The following CELF5 variants were observed in gnomAD, a reference collection of about 807,000 sequenced individuals.
CELF5 encodes CUG-BP and ETR-3 like factor 5.
CELF5 carries 6 observed loss-of-function variants against 54.9 expected under a neutral mutation model. The observed-to-expected ratio is 0.11, with a 90% CI of 0.06 to 0.22. The LOEUF is 0.22. Ranked by LOEUF, CELF5 falls within the 10% of genes least tolerant of loss-of-function variation. The pLI is 1.00. For synonymous variants in CELF5, 271 were observed against 290.9 expected (o/e 0.93, Z 0.70); for missense variants, 401 against 678.6 (o/e 0.59, Z 4.54).
At chr19:3,279,048 T>A (rs1237792705) in intron 5 of CELF5, among the ~76,000 whole-genome samples, 1 of 152,058 alleles carries the variant, frequency 6.6e-6, no homozygotes, top group South Asian at 2.1e-4. Flanking sequence ...AATATCCCTT[T>A]GGGGCTAATG....
chr19:3,258,417 C>T (rs1387628997), intron 2 of CELF5, among the ~76,000 whole-genome samples: 5 of 150,744 alleles, frequency 3.3e-5, no homozygotes, highest in Admixed American at 6.6e-5. Context: ...CCACTGCGCC[C>T]GGCCTGTGTC....
intron 1 of CELF5, among the ~76,000 whole-genome samples, chr19:3,242,692 G>A (rs1350723799): frequency 6.6e-6 from 1 of 152,064 alleles, no homozygotes; most frequent in Non-Finnish European, 1.5e-5. Flanking sequence ...TGTAATCCCA[G>A]CTACTTGGGA....
chr19:3,242,033 G>A lies in CELF5; in HGVS notation c.260-8952G>A, dbSNP rs188254296. Among the ~76,000 whole-genome samples the A allele has an allele frequency of 4.1e-3, 622 of 152,140 alleles. 4 individuals are homozygous for A. The highest frequency in any genetic ancestry group is 0.014 in the African/African-American group (574 of 41,516). The stretch of plus-strand genomic sequence containing the variant: ...CAGGTTATCCACCTGCCTTGGCCTC[G>A]CAAAATGCTAGGATTACAGGCATGA... On this transcript the variant is annotated intron_variant, in intron 1 of 12. Coordinates refer to ENST00000292672, the MANE Select transcript of CELF5 (RefSeq NM_021938.4).
intron 11 of CELF5, 107 bp from the exon 12 acceptor site, chr19:3,293,212 G>T: frequency 6.8e-7 from 1 of 1,464,374 alleles, no homozygotes; most frequent in South Asian, 1.3e-5. Context: ...AGGTGTGCAC[G>T]CAGGCCTGCT....
chr19:3,241,615 G>A (rs1018013643), intron 1 of CELF5, among the ~76,000 whole-genome samples: 1 of 151,972 alleles, frequency 6.6e-6, no homozygotes, highest in Non-Finnish European at 1.5e-5. Flanking sequence ...CTCACCTGGC[G>A]TGGGTGGGGG....
intron 2 of CELF5, among the ~76,000 whole-genome samples, chr19:3,271,947 C>T (rs1047144220): frequency 1.3e-5 from 2 of 152,108 alleles, no homozygotes; most frequent in African/African-American, 4.8e-5. Context: ...TCTTCACTCA[C>T]CATGGCCTTA....
At chr19:3,245,285 G>A (rs1362859381) in intron 1 of CELF5, among the ~76,000 whole-genome samples, 3 of 146,160 alleles carry the variant, frequency 2.1e-5, no homozygotes, top group African/African-American at 5.1e-5. Context: ...GTGTGTGTGC[G>A]TGTGTGTTTG....
At chr19:3,289,401 G>A (rs11666337) in intron 10 of CELF5, among the ~76,000 whole-genome samples, 82,713 of 151,636 alleles carry the variant, frequency 0.55, 23,808 homozygotes, top group Middle Eastern at 0.69. Context: ...AATTAGCCAG[G>A]CTGGGTGCAA....
intron 2 of CELF5, among the ~76,000 whole-genome samples, chr19:3,255,459 C>T (rs1045428085): frequency 1.3e-5 from 2 of 152,072 alleles, no homozygotes; most frequent in Admixed American, 6.6e-5. Flanking sequence ...GCTAGGATTA[C>T]AGGCGTAAGC....
intron 2 of CELF5, among the ~76,000 whole-genome samples, chr19:3,257,779 A>AT (rs34573776): frequency 2.4e-5 from 3 of 123,782 alleles, no homozygotes; most frequent in Non-Finnish European, 5.1e-5. Context: ...CCCAGCCTCC[A>AT]TTTTTTTTTA....
rs1216073662 is a variant in CELF5, at chr19:3,248,896, TCC to T, written c.260-2088_260-2087del. 6.0e-4 allele frequency among the ~76,000 whole-genome samples: 79 copies of T among 132,404 alleles called. No individual in the cohort carries two copies. In the East Asian group the frequency reaches 0.011, roughly 18 times the overall value. The allele number at this position is 132,404 out of a possible 152,430, so 86.9% of individuals were successfully genotyped here. On this transcript the variant is annotated intron_variant, in intron 1 of 12. Transcript: ENST00000292672. ...TTCCTTCCTTCCTTCCTTCCTTCCT[TCC>T]TTCCTTCCTTTCTTTCTTTCTTTCT... is the stretch of plus-strand genomic sequence containing the variant.
At chr19:3,246,250 G>A (rs2079565050) in intron 1 of CELF5, among the ~76,000 whole-genome samples, 1 of 152,170 alleles carries the variant, frequency 6.6e-6, no homozygotes, top group Non-Finnish European at 1.5e-5. Context: ...TGTAATCCCA[G>A]CTACTTGGGA....
chr19:3,257,267 G>A (rs1055584096), intron 2 of CELF5, among the ~76,000 whole-genome samples: 1 of 152,160 alleles, frequency 6.6e-6, no homozygotes, highest in Non-Finnish European at 1.5e-5. Context: ...CGAAGCATGT[G>A]AGGACCACTG....
chr19:3,288,652 A>G (rs2080292681), intron 10 of CELF5, among the ~76,000 whole-genome samples: 1 of 152,164 alleles, frequency 6.6e-6, no homozygotes, highest in African/African-American at 2.4e-5. Flanking sequence ...GTTCAAGACC[A>G]GCCTGGGCAA....
At chr19:3,244,070 T>C (rs987745401) in intron 1 of CELF5, among the ~76,000 whole-genome samples, 1 of 152,020 alleles carries the variant, frequency 6.6e-6, no homozygotes, top group African/African-American at 2.4e-5. Context: ...ACAGGAACTG[T>C]GAATCAAAGC....
chr19:3,262,895 C>T (rs553874265), intron 2 of CELF5, among the ~76,000 whole-genome samples: 88 of 151,880 alleles, frequency 5.8e-4, no homozygotes, highest in African/African-American at 2.0e-3. Context: ...GTGGAGATCA[C>T]GCCATTGCAC....
chr19:3,295,701 T>TCG (rs1243272438), intron 12 of CELF5: 1 of 153,052 alleles, frequency 6.5e-6, no homozygotes, highest in African/African-American at 2.4e-5. Flanking sequence ...AGACCCCACC[T>TCG]CGCCCCTTCG....
At chr19:3,255,684 A>G (rs2079714803) in intron 2 of CELF5, among the ~76,000 whole-genome samples, 1 of 152,098 alleles carries the variant, frequency 6.6e-6, no homozygotes, top group Non-Finnish European at 1.5e-5. Context: ...ATCTTCAACA[A>G]GCATCTTTCC....
chr19:3,246,329 A>G (rs1690448577), intron 1 of CELF5, among the ~76,000 whole-genome samples: 1 of 150,544 alleles, frequency 6.6e-6, no homozygotes, highest in African/African-American at 2.5e-5. Flanking sequence ...GCGCCACTGC[A>G]CTCCAGCCTG....
Sources: allele counts gnomAD v4.1 joint callset (sites outside exome capture counted in the v4.1 genomes callset), GRCh38; gene constraint gnomAD v4.1.1; transcripts MANE v1.5; gene names NCBI Gene and HGNC (gene_info 2026-07-23, HGNC 2026-07-21).